Variants in SLC12A2 observed in about 807,000 individuals in gnomAD.
SLC12A2 encodes solute carrier family 12 member 2, also known as Na-K-2Cl cotransporter 1.
SLC12A2 carries 67 observed loss-of-function variants against 136.3 expected under a neutral mutation model. The ratio of observed to expected loss-of-function variants is 0.49; its 90% CI spans 0.40 to 0.60. The LOEUF (loss-of-function observed/expected upper bound fraction) is 0.60. SLC12A2 is among the 20% of genes least tolerant of loss of function. SLC12A2 has a pLI of 0.00. For synonymous variants in SLC12A2, 619 were observed against 562.9 expected (o/e 1.10, Z -1.41); for missense variants, 1,322 against 1,534.7 (o/e 0.86, Z 2.32).
Position 128,083,833 on chromosome 5 carries a change from G to A in SLC12A2, c.-122G>A, listed in dbSNP as rs1441875714. On this transcript the variant is annotated 5_prime_UTR_variant, in exon 1 of 27. Coordinates refer to ENST00000262461, the MANE Select transcript of SLC12A2 (RefSeq NM_001046.3). Reference sequence around the variant, plus strand: ...TCCAGGCTAGCGGCGGCCCGCAGGCGGCGGGGAGAAAGACTCTCTCACCTG... The same window carrying A: ...TCCAGGCTAGCGGCGGCCCGCAGGCAGCGGGGAGAAAGACTCTCTCACCTG... 3 of 744,532 alleles carry A rather than the reference G, an allele frequency of 4.0e-6. No individual in the cohort carries two copies. Among genetic ancestry groups the A allele is most frequent in the Admixed American group, 4.5e-5 (1 of 22,212 alleles). 46.1% of individuals were successfully genotyped at this position (744,532 alleles called of 1,614,324 possible).
chr5:128,142,376 G>A (rs1345914721), intron 10 of SLC12A2, among the ~76,000 whole-genome samples: 1 of 152,086 alleles, frequency 6.6e-6, no homozygotes, highest in Non-Finnish European at 1.5e-5. Context: ...GTGCTGGGAT[G>A]GCAGGTGTGA....
In SLC12A2 at chr5:128,151,411, T is replaced by C; in HGVS notation, c.2263+15T>C. The stretch of plus-strand genomic sequence containing the variant: ...CAAAAAACCAGGTCAGTAGCCTTTT[T>C]TGTTTATATCCCAAGCTAGAAAACA... On this transcript the variant is annotated intron_variant, in intron 14 of 26. Transcript: ENST00000262461. The C allele has an allele frequency of 4.4e-6, 7 of 1,602,782 alleles. No individual in the cohort carries two copies. Among genetic ancestry groups the C allele is most frequent in the Non-Finnish European group, 5.9e-6 (7 of 1,176,576 alleles).
At chr5:128,094,880 C>T (rs971459015) in intron 1 of SLC12A2, among the ~76,000 whole-genome samples, 2 of 152,052 alleles carry the variant, frequency 1.3e-5, no homozygotes, top group African/African-American at 4.8e-5. Flanking sequence ...TTACTTGAGT[C>T]ACATTTTAAG....
At chr5:128,165,246 A>G (rs1165400851) in intron 17 of SLC12A2, among the ~76,000 whole-genome samples, 1 of 152,172 alleles carries the variant, frequency 6.6e-6, no homozygotes, top group Non-Finnish European at 1.5e-5. Flanking sequence ...CTTGTTTTGT[A>G]TATTTGTATT....
chr5:128,157,872 T>A, intron 15 of SLC12A2, 181 bp from the exon 16 acceptor site: 1 of 521,572 alleles, frequency 1.9e-6, no homozygotes, highest in Middle Eastern at 5.0e-4. Flanking sequence ...TGTTCCAAGA[T>A]TTTGTTTCTG....
chr5:128,121,648 G>T (rs1215604417), intron 4 of SLC12A2, among the ~76,000 whole-genome samples: 3 of 152,078 alleles, frequency 2.0e-5, no homozygotes, highest in Non-Finnish European at 2.9e-5. Flanking sequence ...TAAAGTTACT[G>T]GAAGCAGATT....
In SLC12A2 at chr5:128,084,699, G is replaced by A. The variant is rs769192155; in HGVS notation, c.745G>A (p.Glu249Lys). 1.8e-5 allele frequency: 29 copies of A among 1,598,142 alleles called. No homozygotes were observed. The highest frequency in any genetic ancestry group is 1.7e-4 in the Middle Eastern group (1 of 6,042). Reference sequence around the variant, plus strand: ...GCCTAGCCTGGCGGAGCTCCACGACGAGCTGGAAAAGGTGAGCTCGCCCAG... The same window carrying A: ...GCCTAGCCTGGCGGAGCTCCACGACAAGCTGGAAAAGGTGAGCTCGCCCAG... ...LRPSLAELHD[E>K]LEKEPFEDGF... Residue 249 changes from glutamate to lysine, a missense_variant, in exon 1 of 27, where the codon GAG (glutamate) becomes AAG (lysine). Transcript: ENST00000262461. The surrounding 1 kb of genome is among the most constrained non-coding windows in gnomAD (Gnocchi z 5.6).
At chr5:128,102,958 T>G (rs1159416174) in intron 1 of SLC12A2, among the ~76,000 whole-genome samples, 1 of 152,164 alleles carries the variant, frequency 6.6e-6, no homozygotes, top group Non-Finnish European at 1.5e-5. Flanking sequence ...TTTCTTCGAT[T>G]GTATGAATAT....
intron 11 of SLC12A2, 98 bp downstream of exon 11, chr5:128,147,827 A>T: frequency 1.5e-6 from 1 of 678,962 alleles, no homozygotes; most frequent in East Asian, 2.8e-5. Context: ...TGCTTCTATC[A>T]ACCATATATA....
At position 128,186,512 on chromosome 5, in the gene SLC12A2, C is replaced by T. The variant is rs1340527453; in HGVS notation, c.3520C>T (p.Arg1174Ter). 7 of 1,608,374 alleles carry T rather than the reference C, an allele frequency of 4.4e-6. No individual in the cohort carries two copies. The highest frequency in any genetic ancestry group is 1.4e-5 in the African/African-American group (1 of 73,866). The change falls in exon 27 of 27, where the codon CGA becomes TGA. Residue 1174 changes from arginine (R) to a stop codon, truncating the protein, a stop_gained. Transcript: ENST00000262461. LOFTEE classifies it high-confidence loss of function. Reference protein sequence around the residue: ...NIIVMSLPVARKGAVSSALYM... With the variant: ...NIIVMSLPVA ...TGATACCAGGAGTCTCCCAGTTGCA[C>T]GAAAAGGTGCTGTGTCTAGTGCTCT...
intron 1 of SLC12A2, among the ~76,000 whole-genome samples, chr5:128,098,240 C>T (rs1334713251): frequency 2.6e-5 from 4 of 152,024 alleles, no homozygotes; most frequent in Non-Finnish European, 2.9e-5. Context: ...TTAAGTCCAC[C>T]TAGGGAATTT....
At chr5:128,127,345 T>C (rs1314690138) in intron 4 of SLC12A2, among the ~76,000 whole-genome samples, 1 of 151,884 alleles carries the variant, frequency 6.6e-6, no homozygotes, top group Non-Finnish European at 1.5e-5. Flanking sequence ...ATGGTCTCCA[T>C]CTCCTGACCT....
Position 128,167,776 on chromosome 5 carries a change from C to T in SLC12A2, c.2632C>T (p.Arg878Cys), listed in dbSNP as rs772690122. ...TATATTTTAGGCTGCTGGTCTTGGT[C>T]GTATGAAGCCAAACACACTTGTCCT... Reference protein sequence around the residue: ...QYLMQAAGLGRMKPNTLVLGF... With the variant: ...QYLMQAAGLGCMKPNTLVLGF... The change falls in exon 18 of 27, where the codon CGT becomes TGT. Residue 878 changes from arginine (R) to cysteine (C), a missense_variant. Physicochemically the swap from Arg to Cys is radical, Grantham distance 180. Transcript: ENST00000262461. 1 of 1,605,158 alleles carries T rather than the reference C, an allele frequency of 6.2e-7. No homozygotes were observed. The highest frequency in any genetic ancestry group is 8.5e-7 in the Non-Finnish European group (1 of 1,176,562).
Position 128,150,114 on chromosome 5 carries a change from T to A in SLC12A2, c.2107+16T>A, listed in dbSNP as rs1328905140. The stretch of plus-strand genomic sequence containing the variant: ...AAATCTCCAGGTAATTTTACATTTT[T>A]AAAAAAGTTTGTAAATATCATTTTT... On this transcript the variant is annotated intron_variant, in intron 13 of 26. Transcript: ENST00000262461. 2.7e-6 allele frequency: 4 copies of A among 1,474,124 alleles called. No homozygotes were observed. In the East Asian group the frequency reaches 9.1e-5, roughly 33 times the overall value. 91.3% of individuals were successfully genotyped at this position (1,474,124 alleles called of 1,614,324 possible).
At chr5:128,130,612 G>A (rs1377125069) in intron 4 of SLC12A2, among the ~76,000 whole-genome samples, 1 of 151,962 alleles carries the variant, frequency 6.6e-6, no homozygotes, top group East Asian at 1.9e-4. Context: ...AACCCAGGAG[G>A]CAGAGGTTGC....
chr5:128,108,301 T>C (rs1033550583), intron 1 of SLC12A2, among the ~76,000 whole-genome samples: 15 of 152,178 alleles, frequency 9.9e-5, no homozygotes, highest in African/African-American at 3.6e-4. Context: ...ATTCCACTCA[T>C]AGGTGTATCC....
At chr5:128,155,478 C>T (rs1762846451) in intron 15 of SLC12A2, among the ~76,000 whole-genome samples, 1 of 152,118 alleles carries the variant, frequency 6.6e-6, no homozygotes, top group South Asian at 2.1e-4. Flanking sequence ...CATGCTGTAA[C>T]AGCTGAGCCA....
chr5:128,127,116 A>AT (rs35726459), intron 4 of SLC12A2, among the ~76,000 whole-genome samples: 46,731 of 68,806 alleles, frequency 0.68, 18,249 homozygotes, highest in Admixed American at 0.73. Context: ...TTGGTCTGGA[A>AT]TTTTTTTTTT....
rs67676665 is a variant in SLC12A2 at position 128,158,865 on chromosome 5, G to GTT, written c.2475+715_2475+716dup. ...TCTCTGCAACCTCACCAGCATCTGT[G>GTT]TTTTTTTTTTTTTTTGACTTTTTAA... On this transcript the variant is annotated intron_variant, in intron 16 of 26. Coordinates refer to ENST00000262461, the MANE Select transcript of SLC12A2 (RefSeq NM_001046.3). 3.2e-3 allele frequency among the ~76,000 whole-genome samples: 429 copies of GTT among 135,888 alleles called. 2 individuals are homozygous for GTT. Among genetic ancestry groups the GTT allele is most frequent in the African/African-American group, 0.01 (392 of 37,628 alleles). The allele number at this position is 135,888 out of a possible 152,430, so 89.1% of individuals were successfully genotyped here. A position where few individuals can be genotyped will look rare whatever the true frequency, so the allele number is the denominator to read the frequency against.
Sources: allele counts gnomAD v4.1 joint callset (sites outside exome capture counted in the v4.1 genomes callset), GRCh38; gene constraint gnomAD v4.1.1; non-coding constraint Gnocchi (gnomAD v3.1); transcripts MANE v1.5; gene names NCBI Gene and HGNC (gene_info 2026-07-23, HGNC 2026-07-21).